NTN1: variants seen among roughly 807,000 people sequenced by gnomAD.
The protein encoded by NTN1 is netrin-1.
A neutral mutation model predicts 54.2 loss-of-function variants in NTN1; 11 were observed. The ratio of observed to expected loss-of-function variants is 0.20; its 90% CI spans 0.13 to 0.34. NTN1 has a LOEUF of 0.34. Ranked by LOEUF, NTN1 falls within the 10% of genes least tolerant of loss-of-function variation. NTN1 has a pLI of 1.00. For synonymous variants in NTN1, 371 were observed against 382.0 expected (o/e 0.97, Z 0.33); for missense variants, 740 against 893.1 (o/e 0.83, Z 2.18).
intron 2 of NTN1, among the ~76,000 whole-genome samples, chr17:9,117,806 G>A (rs1256187710): frequency 2.0e-5 from 3 of 150,018 alleles, no homozygotes; most frequent in Admixed American, 6.6e-5. Flanking sequence ...CATGTGCACG[G>A]CGTGTCATCC....
At chr17:9,076,345 G>A (rs2092049538) in intron 2 of NTN1, among the ~76,000 whole-genome samples, 1 of 152,076 alleles carries the variant, frequency 6.6e-6, no homozygotes, top group South Asian at 2.1e-4. Flanking sequence ...GTCCCCTTTA[G>A]GTTCTCTATT....
rs550215012 is a variant in NTN1, at chr17:9,153,193, C to T, written c.1019-9620C>T. Reference sequence around the variant, plus strand: ...CTGAGGCAGGAGAATTGCTTGAACCCGGGAGGCAGAGGTTGCAGTTAGGTG... The same window carrying T: ...CTGAGGCAGGAGAATTGCTTGAACCTGGGAGGCAGAGGTTGCAGTTAGGTG... On this transcript the variant is annotated intron_variant, in intron 2 of 6. Transcript: ENST00000173229. Among the ~76,000 whole-genome samples, 12 of 151,780 alleles carry T rather than the reference C, an allele frequency of 7.9e-5. No individual in the cohort carries two copies. In the South Asian group the frequency reaches 1.0e-3, roughly 13 times the overall value.
intron 2 of NTN1, among the ~76,000 whole-genome samples, chr17:9,027,713 A>T (rs2091875851): frequency 1.3e-5 from 2 of 152,102 alleles, no homozygotes; most frequent in Admixed American, 6.5e-5. Flanking sequence ...TGTATATAAG[A>T]AGTTTTCTTT....
At chr17:9,228,847 T>TGTGTGTGTGTGTGTGTGTGTGA (rs1555579162) in intron 6 of NTN1, among the ~76,000 whole-genome samples, 6 of 114,916 alleles carry the variant, frequency 5.2e-5, no homozygotes, top group African/African-American at 2.3e-4. Context: ...TGTGTGTGTG[T>TGTGTGTGTGTGTGTGTGTGTGA]GTGTGACTGT....
At chr17:9,017,151 T>C (rs907835500), upstream of NTN1, among the ~76,000 whole-genome samples, 3 of 152,092 alleles carry the variant, frequency 2.0e-5, no homozygotes, top group African/African-American at 7.3e-5. Flanking sequence ...CATGGTCAAA[T>C]AGCCTTATCT....
At chr17:9,026,394 G>GGGT (rs2091870792) in intron 2 of NTN1, among the ~76,000 whole-genome samples, 1 of 150,892 alleles carries the variant, frequency 6.6e-6, no homozygotes, top group East Asian at 1.9e-4. Flanking sequence ...TTTCTTCCGG[G>GGGT]GGGGGGGAAC....
At chr17:9,185,662 C>T (rs2092431125) in intron 5 of NTN1, among the ~76,000 whole-genome samples, 1 of 152,110 alleles carries the variant, frequency 6.6e-6, no homozygotes, top group South Asian at 2.1e-4. Flanking sequence ...TCAAAAAGGG[C>T]ATGGTACCCA....
At chr17:9,077,771 C>G (rs149338569) in intron 2 of NTN1, among the ~76,000 whole-genome samples, 2 of 152,258 alleles carry the variant, frequency 1.3e-5, no homozygotes, top group African/African-American at 4.8e-5. Context: ...TTTCTCTAGT[C>G]TTAAACGGGT....
chr17:9,111,283 A>G (rs2092189675), intron 2 of NTN1, among the ~76,000 whole-genome samples: 1 of 152,100 alleles, frequency 6.6e-6, no homozygotes, highest in Non-Finnish European at 1.5e-5. Context: ...ATCTGCAAAG[A>G]TCCTATGTCC....
chr17:9,134,311 C>A (rs1174464862), intron 2 of NTN1, among the ~76,000 whole-genome samples: 1 of 152,150 alleles, frequency 6.6e-6, no homozygotes, highest in East Asian at 1.9e-4. Context: ...CCTCTTTCCC[C>A]CAGATGACTG....
intron 5 of NTN1, among the ~76,000 whole-genome samples, chr17:9,215,669 TC>T (rs1245271189): frequency 6.6e-6 from 1 of 152,226 alleles, no homozygotes; most frequent in African/African-American, 2.4e-5. Context: ...CACAAATTTT[TC>T]CCTTTAAGAC....
At chr17:9,117,771 C>CA (rs11414930) in intron 2 of NTN1, among the ~76,000 whole-genome samples, 40,489 of 126,618 alleles carry the variant, frequency 0.32, 6,957 homozygotes, top group East Asian at 0.76. Context: ...ACAAAAAAAC[C>CA]AAAAAAAAAA....
intron 2 of NTN1, among the ~76,000 whole-genome samples, chr17:9,162,099 G>A (rs1271479262): frequency 5.3e-5 from 8 of 152,178 alleles, no homozygotes; most frequent in Non-Finnish European, 1.2e-4. Flanking sequence ...GACAATGTGG[G>A]GGTCCTCTCC....
At chr17:9,039,004 G>T (rs2091912931) in intron 2 of NTN1, among the ~76,000 whole-genome samples, 1 of 152,192 alleles carries the variant, frequency 6.6e-6, no homozygotes, top group Admixed American at 6.5e-5. Flanking sequence ...GACAACTATT[G>T]AGAAACATCA....
At chr17:9,098,169 T>C (rs1448316213) in intron 2 of NTN1, among the ~76,000 whole-genome samples, 2 of 152,220 alleles carry the variant, frequency 1.3e-5, no homozygotes, top group Non-Finnish European at 2.9e-5. Flanking sequence ...GCTGGATAAA[T>C]GATCCCTCCC....
intron 2 of NTN1, among the ~76,000 whole-genome samples, chr17:9,033,741 A>G (rs2091894648): frequency 6.6e-6 from 1 of 152,148 alleles, no homozygotes; most frequent in South Asian, 2.1e-4. Flanking sequence ...AACATGGAGA[A>G]ACCCCGTCTC....
At chr17:9,146,144 C>T (rs183710647) in intron 2 of NTN1, among the ~76,000 whole-genome samples, 1 of 152,248 alleles carries the variant, frequency 6.6e-6, no homozygotes, top group Non-Finnish European at 1.5e-5. Flanking sequence ...AGCAGTGGTG[C>T]AGGCATGTAT....
intron 5 of NTN1, among the ~76,000 whole-genome samples, chr17:9,202,029 T>TACACACACAC (rs1200661283): frequency 0.078 from 2,081 of 26,806 alleles, 223 homozygotes; most frequent in South Asian, 0.12. Flanking sequence ...CTACTAAAAA[T>TACACACACAC]ACACACACAC....
At chr17:9,018,015 C>T (rs1158707748), upstream of NTN1, among the ~76,000 whole-genome samples, 1 of 152,102 alleles carries the variant, frequency 6.6e-6, no homozygotes, top group African/African-American at 2.4e-5. Flanking sequence ...GGCAGAGAAC[C>T]TTGATCTGGG....
Sources: allele counts gnomAD v4.1 joint callset (sites outside exome capture counted in the v4.1 genomes callset), GRCh38; gene constraint gnomAD v4.1.1; transcripts MANE v1.5; gene names NCBI Gene and HGNC (gene_info 2026-07-23, HGNC 2026-07-21).